SMARCC1: variants seen among roughly 807,000 people sequenced by gnomAD.
The protein encoded by SMARCC1 is SWI/SNF related BAF chromatin remodeling complex subunit C1.
A neutral mutation model predicts 147.4 loss-of-function variants in SMARCC1; 43 were observed. The observed-to-expected ratio is 0.29, with a 90% CI of 0.23 to 0.38. SMARCC1 has a LOEUF of 0.38. SMARCC1 is among the 10% of genes least tolerant of loss of function. SMARCC1 has a pLI of 1.00. For synonymous variants in SMARCC1, 495 were observed against 484.4 expected (o/e 1.02, Z -0.29); for missense variants, 1,119 against 1,381.1 (o/e 0.81, Z 3.01).
At chr3:47,635,418 T>A in intron 23 of SMARCC1, 74 bp from the exon 24 acceptor site, 2 of 1,244,570 alleles carry the variant, frequency 1.6e-6, no homozygotes, top group Non-Finnish European at 2.3e-6. Flanking sequence ...CCTCCACCAC[T>A]ATAACAAACT....
intron 2 of SMARCC1, among the ~76,000 whole-genome samples, chr3:47,770,608 G>A (rs2034901258): frequency 6.6e-6 from 1 of 151,926 alleles, no homozygotes; most frequent in African/African-American, 2.4e-5. Flanking sequence ...GGGCAACACA[G>A]CAAGACTTTG....
intron 26 of SMARCC1, chr3:47,604,349 CATT>C (rs767562282): frequency 9.1e-5 from 41 of 452,216 alleles, no homozygotes; most frequent in Non-Finnish European, 1.6e-4. Flanking sequence ...ACCTTACTGG[CATT>C]CAGAAGCTGA....
intron 2 of SMARCC1, among the ~76,000 whole-genome samples, chr3:47,751,031 G>A (rs545658334): frequency 2.0e-5 from 3 of 151,944 alleles, no homozygotes; most frequent in South Asian, 4.2e-4. Flanking sequence ...CTGAGTAGCT[G>A]GGATTACAGA....
chr3:47,684,211 G>C (rs2033691579), intron 14 of SMARCC1, among the ~76,000 whole-genome samples: 1 of 146,500 alleles, frequency 6.8e-6, no homozygotes, highest in African/African-American at 2.5e-5. Flanking sequence ...CTGCAGTCCA[G>C]CCTGGGCGAC....
chr3:47,724,956 T>G (rs1457768628), intron 6 of SMARCC1, among the ~76,000 whole-genome samples: 1 of 129,050 alleles, frequency 7.7e-6, no homozygotes, highest in Non-Finnish European at 1.5e-5. Context: ...GAGGCTGGGG[T>G]GGGAGGACAA....
At chr3:47,705,143 G>A (rs2033975977) in intron 10 of SMARCC1, among the ~76,000 whole-genome samples, 1 of 151,734 alleles carries the variant, frequency 6.6e-6, no homozygotes, top group African/African-American at 2.4e-5. Context: ...CCAACGTGGT[G>A]AAACCCCGTC....
intron 26 of SMARCC1, chr3:47,604,403 A>G (rs1029930793): frequency 9.7e-6 from 4 of 412,852 alleles, no homozygotes; most frequent in African/African-American, 8.2e-5. Context: ...CAAATACCAA[A>G]GACAGCCAAC....
chr3:47,695,758 GTCTC>G (rs2033841380), intron 11 of SMARCC1, among the ~76,000 whole-genome samples: 1 of 99,530 alleles, frequency 1.0e-5, no homozygotes, highest in African/African-American at 4.7e-5. Flanking sequence ...GCAAGATTCT[GTCTC>G]AAAAAAAAAA....
At chr3:47,658,933 C>T (rs1576401605) in intron 21 of SMARCC1, among the ~76,000 whole-genome samples, 1 of 151,972 alleles carries the variant, frequency 6.6e-6, no homozygotes, top group African/African-American at 2.4e-5. Context: ...ACCTGGCCAA[C>T]ACAGTGAAAC....
intron 4 of SMARCC1, 24 bp downstream of exon 4, chr3:47,738,005 A>C (rs1559658852): frequency 2.6e-6 from 4 of 1,531,102 alleles, no homozygotes; most frequent in Non-Finnish European, 3.6e-6. Flanking sequence ...TAAACTTTTT[A>C]AATAACCTAA....
At chr3:47,781,499 T>G in intron 1 of SMARCC1, 104 bp downstream of exon 1, 1 of 790,408 alleles carries the variant, frequency 1.3e-6, no homozygotes, top group South Asian at 3.3e-5. Flanking sequence ...TTGTTGTCCC[T>G]CGTGGCGTGC....
intron 26 of SMARCC1, among the ~76,000 whole-genome samples, chr3:47,596,035 GTTT>G (rs80043402): frequency 6.9e-6 from 1 of 144,312 alleles, no homozygotes; most frequent in South Asian, 2.2e-4. Context: ...ACCCGGCCAG[GTTT>G]TTTTTTTTTC....
intron 22 of SMARCC1, among the ~76,000 whole-genome samples, chr3:47,637,765 T>C (rs2032991352): frequency 6.6e-6 from 1 of 152,012 alleles, no homozygotes; most frequent in African/African-American, 2.4e-5. Context: ...AACCTCCTGT[T>C]CTGCCTCACC....
intron 9 of SMARCC1, 147 bp from the exon 10 acceptor site, chr3:47,706,677 G>T: frequency 1.5e-6 from 1 of 681,300 alleles, no homozygotes; most frequent in Non-Finnish European, 2.2e-6. Flanking sequence ...AATCATCCAG[G>T]AACACCAGTA....
intron 25 of SMARCC1, among the ~76,000 whole-genome samples, chr3:47,613,598 G>T (rs751966006): frequency 6.6e-5 from 10 of 152,048 alleles, no homozygotes; most frequent in Non-Finnish European, 1.3e-4. Context: ...GACCTCAGGT[G>T]ATCCGCCCGC....
chr3:47,600,412 T>C (rs866854014), intron 26 of SMARCC1, among the ~76,000 whole-genome samples: 1 of 152,124 alleles, frequency 6.6e-6, no homozygotes, highest in Non-Finnish European at 1.5e-5. Context: ...AAGAATAAGG[T>C]TGAGTAAGGG....
In SMARCC1 at chr3:47,726,428, T is replaced by C. The variant is rs78585499; in HGVS notation, c.646+2597A>G. Among the ~76,000 whole-genome samples, 610 of 152,326 alleles carry C rather than the reference T, an allele frequency of 4.0e-3. 5 individuals carry two copies. The highest frequency in any genetic ancestry group is 0.014 in the African/African-American group (586 of 41,574). On this transcript the variant is annotated intron_variant, in intron 6 of 27. Transcript: ENST00000254480. ...TATTTGGATTGCTTCATCATTATTA[T>C]TGTTATTGCCAATGCTTTATTCTAT... is the stretch of plus-strand genomic sequence containing the variant.
intron 11 of SMARCC1, among the ~76,000 whole-genome samples, chr3:47,698,894 G>C (rs1051994321): frequency 5.3e-5 from 8 of 152,116 alleles, no homozygotes; most frequent in African/African-American, 1.7e-4. Context: ...AGACATGTGT[G>C]ATGATTTTCA....
Position 47,684,239 on chromosome 3 carries a change from CAAAAAAA to C in SMARCC1, c.1385+1803_1385+1809del, listed in dbSNP as rs759227252. ...TGGGCGACAGAGCGAGACTCCGTCT[CAAAAAAA>C]AAAAAAAAAAAAAGACAGTACTCCA... On this transcript the variant is annotated intron_variant, in intron 14 of 27. Coordinates refer to ENST00000254480, the MANE Select transcript of SMARCC1 (RefSeq NM_003074.4). Among the ~76,000 whole-genome samples, 10 of 49,546 alleles carry C rather than the reference CAAAAAAA, an allele frequency of 2.0e-4. No homozygotes were observed. In the East Asian group the frequency reaches 6.2e-3, roughly 31 times the overall value. The allele number at this position is 49,546 out of a possible 152,430, so 32.5% of individuals were successfully genotyped here. A position where few individuals can be genotyped will look rare whatever the true frequency, so the allele number is the denominator to read the frequency against.
Sources: allele counts gnomAD v4.1 joint callset (sites outside exome capture counted in the v4.1 genomes callset), GRCh38; gene constraint gnomAD v4.1.1; transcripts MANE v1.5; gene names NCBI Gene and HGNC (gene_info 2026-07-23, HGNC 2026-07-21).